Variants in SPATA1 observed in about 807,000 individuals in gnomAD.
The protein encoded by SPATA1 is spermatogenesis associated 1.
A neutral mutation model predicts 59.6 loss-of-function variants in SPATA1; 57 were observed. The ratio of observed to expected loss-of-function variants is 0.96; its 90% confidence interval spans 0.77 to 1.19. The LOEUF is 1.19. SPATA1 is among the 50% of genes most tolerant of loss of function. The pLI, the probability that SPATA1 is intolerant of heterozygous loss-of-function variation, is 0.00. For missense variants in SPATA1, 448 were observed against 480.7 expected (o/e 0.93, Z 0.64); for synonymous variants, 147 against 163.9 (o/e 0.90, Z 0.79).
At position 84,516,250 on chromosome 1, in the gene SPATA1, T is replaced by G; in HGVS notation, c.-110T>G. ...ACCAGAAATGAGTGGAATGCTATCTTAAGCCAAAAAAAACTATTATAATTT... is the reference window on the plus strand; with the variant it reads ...ACCAGAAATGAGTGGAATGCTATCTGAAGCCAAAAAAAACTATTATAATTT... On this transcript the variant is annotated 5_prime_UTR_variant, in exon 2 of 13. An upstream open reading frame in the 5' UTR loses its in-frame stop. Coordinates refer to ENST00000490879, the Ensembl canonical transcript of SPATA1. 1 of 993,266 alleles carries G rather than the reference T, an allele frequency of 1.0e-6. No individual in the cohort carries two copies. Among genetic ancestry groups the G allele is most frequent in the Non-Finnish European group, 1.4e-6 (1 of 703,726 alleles). The allele number at this position is 993,266 out of a possible 1,614,324, so 61.5% of individuals were successfully genotyped here. A position where few individuals can be genotyped will look rare whatever the true frequency, so the allele number is the denominator to read the frequency against.
intron 6 of SPATA1, chr1:84,527,732 AT>A (rs11317173): frequency 0.17 from 25,125 of 151,122 alleles, 3,833 homozygotes; most frequent in African/African-American, 0.4. Context: ...AATGAGCAAC[AT>A]TTTTTTTTCT....
chr1:84,553,679 T>C (rs1684342126), exon 13 of SPATA1: 1 of 152,152 alleles, frequency 6.6e-6, no homozygotes, highest in Admixed American at 6.6e-5. Context: ...ACATATACTA[T>C]GAAAATGGTT....
At chr1:84,558,943 G>A (rs961627075), downstream of SPATA1, among the ~76,000 whole-genome samples, 3 of 152,014 alleles carry the variant, frequency 2.0e-5, no homozygotes, top group Non-Finnish European at 4.4e-5. Context: ...CATTCATTAA[G>A]GAAAAAACAA....
chr1:84,510,170 A>G (rs1221427374), intron 1 of SPATA1, among the ~76,000 whole-genome samples: 1 of 152,224 alleles, frequency 6.6e-6, no homozygotes, highest in Non-Finnish European at 1.5e-5. Flanking sequence ...GTCTCAAAAA[A>G]TAAAAATAAA....
intron 9 of SPATA1, 88 bp from the exon 10 acceptor site, chr1:84,545,546 C>T (rs1570447968): frequency 4.4e-6 from 6 of 1,360,464 alleles, no homozygotes; most frequent in Middle Eastern, 2.1e-4. Context: ...CTGCTTTAGA[C>T]ATTTTTAAGT....
chr1:84,562,416 T>A (rs1051669680), intron 4 of SPATA1, among the ~76,000 whole-genome samples: 5 of 152,230 alleles, frequency 3.3e-5, no homozygotes, highest in Admixed American at 1.3e-4. Flanking sequence ...CATACACATG[T>A]ATATCAATTA....
At chr1:84,533,875 C>G in intron 8 of SPATA1, 109 bp downstream of exon 8, 1 of 666,910 alleles carries the variant, frequency 1.5e-6, no homozygotes, top group Non-Finnish European at 2.5e-6. Context: ...CAGAAACATA[C>G]TTCTAATATC....
intron 8 of SPATA1, among the ~76,000 whole-genome samples, chr1:84,540,833 T>A (rs1400434599): frequency 6.6e-6 from 1 of 152,188 alleles, no homozygotes; most frequent in Non-Finnish European, 1.5e-5. Flanking sequence ...GAGCTAGGAA[T>A]GTGTTTTATG....
At chr1:84,546,457 C>CAA (rs10618711) in intron 10 of SPATA1, among the ~76,000 whole-genome samples, 43 of 81,740 alleles carry the variant, frequency 5.3e-4, no homozygotes, top group East Asian at 1.2e-3. Context: ...GACTCTGCCT[C>CAA]AAAAAAAAAA....
intron 4 of SPATA1, among the ~76,000 whole-genome samples, chr1:84,562,281 C>T (rs958845147): frequency 7.2e-5 from 11 of 152,134 alleles, no homozygotes; most frequent in African/African-American, 2.7e-4. Context: ...TAACAGTTCC[C>T]AGGACAGACT....
At chr1:84,537,359 G>A (rs1049016351) in intron 8 of SPATA1, among the ~76,000 whole-genome samples, 7 of 152,166 alleles carry the variant, frequency 4.6e-5, no homozygotes, top group African/African-American at 1.4e-4. Context: ...AAGTGGATAA[G>A]CTATTGGATA....
chr1:84,522,327 A>T (rs990717509), intron 3 of SPATA1, 63 bp from the exon 4 acceptor site: 20 of 898,294 alleles, frequency 2.2e-5, no homozygotes, highest in Non-Finnish European at 3.0e-5. Flanking sequence ...AAAGTTATTG[A>T]ATCATTAGTA....
At chr1:84,556,706 G>A (rs1684442179), downstream of SPATA1, among the ~76,000 whole-genome samples, 1 of 95,046 alleles carries the variant, frequency 1.1e-5, no homozygotes, top group Non-Finnish European at 1.8e-5. Context: ...GCAAGACTCC[G>A]TCTCAAAAAA....
Position 84,552,907 on chromosome 1 carries a change from G to T in SPATA1, c.1225-128G>T, listed in dbSNP as rs376561236. On this transcript the variant is annotated intron_variant, in intron 12 of 12. Transcript: ENST00000490879. ...TTACTGTAGTAATCCAGTGGGAGTT[G>T]AAAGCACTGAAGCCAAATGAGAGAA... is the stretch of plus-strand genomic sequence containing the variant. The T allele has an allele frequency of 1.4e-3, 853 of 626,274 alleles. 6 individuals carry two copies. The highest frequency in any genetic ancestry group is 8.6e-3 in the South Asian group (459 of 53,180). The allele number at this position is 626,274 out of a possible 1,614,324, so 38.8% of individuals were successfully genotyped here.
chr1:84,509,276 G>A (rs1426084810), intron 1 of SPATA1, among the ~76,000 whole-genome samples: 2 of 151,638 alleles, frequency 1.3e-5, no homozygotes, highest in Admixed American at 6.6e-5. Flanking sequence ...TTCACCTACA[G>A]TGAACTCGTT....
intron 1 of SPATA1, among the ~76,000 whole-genome samples, chr1:84,514,222 G>T (rs1227797931): frequency 6.6e-6 from 1 of 152,076 alleles, no homozygotes; most frequent in African/African-American, 2.4e-5. Context: ...ATCCCCAAGG[G>T]CTCATCTTTT....
chr1:84,552,703 C>T, intron 12 of SPATA1: 1 of 179,058 alleles, frequency 5.6e-6, no homozygotes, highest in Non-Finnish European at 1.2e-5. Flanking sequence ...TCACTATTTT[C>T]TTTACACATT....
intron 3 of SPATA1, among the ~76,000 whole-genome samples, chr1:84,521,410 TCATCTCTTTCTTCAACCACATCAGCCTC>T (rs1558578769): frequency 6.6e-6 from 1 of 152,196 alleles, no homozygotes; most frequent in East Asian, 1.9e-4. Context: ...CTAATCTTCA[TCATCTCTTTCTTCAACCACATCAGCCTC>T]CTTTCTGTTC....
Position 84,516,486 on chromosome 1 carries a change from A to G in SPATA1, c.36+91A>G, listed in dbSNP as rs114723245. The G allele has an allele frequency of 1.6e-3, 1,163 of 747,584 alleles. 19 individuals carry two copies. In the African/African-American group the frequency reaches 0.019, roughly 12 times the overall value. The allele number at this position is 747,584 out of a possible 1,614,324, so 46.3% of individuals were successfully genotyped here. On this transcript the variant is annotated intron_variant, in intron 2 of 12. Transcript: ENST00000490879. ...ATAAAAGCAAAAACATAGATTATAT[A>G]AAGTATTAGATATTGACTCCACCAT...
Sources: allele counts gnomAD v4.1 joint callset (sites outside exome capture counted in the v4.1 genomes callset), GRCh38; gene constraint gnomAD v4.1.1; transcripts MANE v1.5; gene names NCBI Gene and HGNC (gene_info 2026-07-23, HGNC 2026-07-21).